Variants in CNIH3 observed in about 807,000 individuals in gnomAD.
The protein encoded by CNIH3 is protein cornichon homolog 3.
Under a neutral mutation model 24.1 loss-of-function variants are expected in CNIH3, and 14 were observed. The ratio of observed to expected loss-of-function variants is 0.58; its 90% CI spans 0.38 to 0.91. The LOEUF is 0.91. CNIH3 is among the 40% of genes least tolerant of loss of function. The probability of loss-of-function intolerance (pLI) is 0.00; values close to 1 mark genes in which losing one functional copy is unlikely to be tolerated. For synonymous variants in CNIH3, 68 were observed against 73.8 expected, an observed-to-expected ratio of 0.92 and a Z score of 0.40; for missense variants, 178 against 196.8, an observed-to-expected ratio of 0.90 and a Z score of 0.57.
rs554499372 is a variant in CNIH3 at position 224,617,547 on chromosome 1, C to T, written c.81+292C>T. On this transcript the variant is annotated intron_variant, in intron 1 of 5. Coordinates refer to ENST00000272133, the MANE Select transcript of CNIH3 (RefSeq NM_152495.2). ...TGGCGGCTACAACCACAACTAACCC[C>T]TTCCTCTCCCGCCCCGTCCTCTCCT... 5.9e-5 allele frequency among the ~76,000 whole-genome samples: 9 copies of T among 152,350 alleles called. No individual in the cohort carries two copies. In the South Asian group the frequency reaches 1.7e-3, roughly 28 times the overall value.
chr1:224,652,071 AC>A (rs1372636011), intron 1 of CNIH3, among the ~76,000 whole-genome samples: 5 of 152,084 alleles, frequency 3.3e-5, no homozygotes, highest in African/African-American at 1.2e-4. Flanking sequence ...AGGGTGAGAA[AC>A]TTTCATAACA....
chr1:224,455,282 A>G (rs1675601388), intron 1 of CNIH3, among the ~76,000 whole-genome samples: 1 of 152,186 alleles, frequency 6.6e-6, no homozygotes, highest in Non-Finnish European at 1.5e-5. Flanking sequence ...TTGTAAGCTG[A>G]ACCATCATAG....
chr1:224,434,815 G>A, exon 1 of CNIH3: 1 of 986,230 alleles, frequency 1.0e-6, no homozygotes, highest in Non-Finnish European at 1.2e-6. Flanking sequence ...AGGCGCTCGC[G>A]TCACAGGAAA....
chr1:224,669,131 G>A (rs1450874886), intron 1 of CNIH3, among the ~76,000 whole-genome samples: 2 of 152,266 alleles, frequency 1.3e-5, no homozygotes, highest in South Asian at 2.1e-4. Context: ...AGTTGAGGAC[G>A]GCTGTGCTGT....
At position 224,616,742 on chromosome 1, in the gene CNIH3, C is replaced by G; in HGVS notation, c.-433C>G. On this transcript the variant is annotated 5_prime_UTR_variant, in exon 1 of 6. Coordinates refer to ENST00000272133, the MANE Select transcript of CNIH3 (RefSeq NM_152495.2). ...AGGGTCCGGAGCGGAGCGCTCGTCT[C>G]TCCTCAGCGGTTTAGTGGAGAAAAG... 9.9e-7 allele frequency: 1 copy of G among 1,005,988 alleles called. No individual in the cohort carries two copies. Among genetic ancestry groups the G allele is most frequent in the Non-Finnish European group, 1.2e-6 (1 of 843,690 alleles). The allele number at this position is 1,005,988 out of a possible 1,614,324, so 62.3% of individuals were successfully genotyped here.
At chr1:224,506,224 A>G (rs1363661716) in intron 1 of CNIH3, among the ~76,000 whole-genome samples, 2 of 152,234 alleles carry the variant, frequency 1.3e-5, no homozygotes, top group African/African-American at 4.8e-5. Context: ...GTGTGTCACC[A>G]GGCCTGGGGC....
intron 3 of CNIH3, among the ~76,000 whole-genome samples, chr1:224,549,085 T>A (rs539091656): frequency 6.6e-6 from 1 of 152,228 alleles, no homozygotes; most frequent in African/African-American, 2.4e-5. Context: ...TACACATTAT[T>A]ACAAATAATT....
chr1:224,452,665 C>G (rs1675464740), intron 1 of CNIH3, among the ~76,000 whole-genome samples: 1 of 150,960 alleles, frequency 6.6e-6, no homozygotes, highest in Admixed American at 6.6e-5. Context: ...ACCTGTAGTC[C>G]CAGCTACTCG....
intron 3 of CNIH3, among the ~76,000 whole-genome samples, chr1:224,600,210 A>G (rs1053761452): frequency 7.1e-6 from 1 of 140,150 alleles, no homozygotes; most frequent in Non-Finnish European, 1.5e-5. Flanking sequence ...TTTTTTTGAG[A>G]CGTAGTTTCA....
chr1:224,535,322 A>T (rs1679241479), intron 2 of CNIH3, among the ~76,000 whole-genome samples: 1 of 152,036 alleles, frequency 6.6e-6, no homozygotes, highest in Admixed American at 6.6e-5. Context: ...GAGCTAGAAG[A>T]AGTGAGGAAG....
chr1:224,601,504 C>A lies in CNIH3; in HGVS notation n.402+35240C>A, dbSNP rs184356765. Among the ~76,000 whole-genome samples the A allele has an allele frequency of 5.7e-3, 863 of 152,274 alleles. 2 individuals are homozygous for A. Among genetic ancestry groups the A allele is most frequent in the Non-Finnish European group, 9.3e-3 (630 of 68,020 alleles). On this transcript the variant is annotated intron_variant and non_coding_transcript_variant, in intron 3 of 7. Transcript: ENST00000478120. Reference sequence around the variant, plus strand: ...TCTTTTCTATCTATTGGGAGACTGGCTTTCCCTGGCGCTGGCTGTGACCAG... The same window carrying A: ...TCTTTTCTATCTATTGGGAGACTGGATTTCCCTGGCGCTGGCTGTGACCAG...
At chr1:224,567,480 A>G (rs1680627585) in intron 4 of CNIH3, among the ~76,000 whole-genome samples, 1 of 152,218 alleles carries the variant, frequency 6.6e-6, no homozygotes, top group Non-Finnish European at 1.5e-5. Context: ...TTTGGACCAG[A>G]AGATACCCCA....
intron 1 of CNIH3, among the ~76,000 whole-genome samples, chr1:224,452,348 C>T (rs1163513573): frequency 6.6e-6 from 1 of 151,796 alleles, no homozygotes; most frequent in Non-Finnish European, 1.5e-5. Flanking sequence ...CAGGGTTTCA[C>T]CATGTTGGGC....
intron 3 of CNIH3, among the ~76,000 whole-genome samples, chr1:224,559,723 T>C (rs1274768157): frequency 2.6e-5 from 4 of 152,152 alleles, no homozygotes; most frequent in Non-Finnish European, 4.4e-5. Context: ...TATAACACAA[T>C]TAAGATAAAT....
rs55859044 is a variant in CNIH3, at chr1:224,568,312, A to C, written n.516+2048A>C. Among the ~76,000 whole-genome samples, 1,247 of 151,838 alleles carry C rather than the reference A, an allele frequency of 8.2e-3. 8 individuals carry two copies. The highest frequency in any genetic ancestry group is 0.013 in the Non-Finnish European group (857 of 67,924). On this transcript the variant is annotated intron_variant and non_coding_transcript_variant, in intron 4 of 5. Coordinates refer to the CNIH3 transcript ENST00000471578. ...TCAAACAAACAAGCAAACAAACAAA[A>C]AAAATTTATAATGAAACAAGACTTA...
At chr1:224,446,563 C>G (rs1396811378) in intron 1 of CNIH3, among the ~76,000 whole-genome samples, 1 of 152,002 alleles carries the variant, frequency 6.6e-6, no homozygotes, top group East Asian at 1.9e-4. Flanking sequence ...CTCTTCCTGT[C>G]CTAATGTTAA....
chr1:224,685,687 G>A (rs1027600106), intron 3 of CNIH3, among the ~76,000 whole-genome samples: 4 of 152,176 alleles, frequency 2.6e-5, no homozygotes, highest in Admixed American at 2.6e-4. Flanking sequence ...GATAGAAGGG[G>A]AAAATACTTT....
intron 3 of CNIH3, among the ~76,000 whole-genome samples, chr1:224,716,333 A>C (rs1301043898): frequency 6.6e-6 from 1 of 152,206 alleles, no homozygotes; most frequent in Non-Finnish European, 1.5e-5. Flanking sequence ...TCATAAAAAC[A>C]TGTGTTTTCT....
intron 1 of CNIH3, among the ~76,000 whole-genome samples, chr1:224,481,676 C>A (rs1456511429): frequency 6.6e-6 from 1 of 152,208 alleles, no homozygotes; most frequent in Non-Finnish European, 1.5e-5. Context: ...TGGCCACCAC[C>A]ACTGGGATTG....
Sources: gnomAD v4.1 joint callset for allele counts (sites outside exome capture counted in the v4.1 genomes callset) on GRCh38, gnomAD v4.1.1 for gene constraint, MANE v1.5 for transcripts, NCBI Gene and HGNC (gene_info 2026-07-23, HGNC 2026-07-21) for gene names.